CFAP54: variants seen among roughly 807,000 people sequenced by gnomAD.
CFAP54 encodes the protein cilia and flagella associated protein 54, also known as cilia- and flagella-associated protein 54.
A neutral mutation model predicts 370.4 loss-of-function variants in CFAP54; 290 were observed. The ratio of observed to expected loss-of-function variants is 0.78; its 90% confidence interval spans 0.71 to 0.86. The LOEUF (loss-of-function observed/expected upper bound fraction) is 0.86. CFAP54 is among the 40% of genes least tolerant of loss of function. The pLI, the probability that CFAP54 is intolerant of heterozygous loss-of-function variation, is 0.00. For missense variants in CFAP54, 3,399 were observed against 3,528.7 expected (o/e 0.96, Z 0.93); for synonymous variants, 1,206 against 1,236.5 (o/e 0.98, Z 0.52).
chr12:96,529,035 G>T (rs996021002), intron 9 of CFAP54, among the ~76,000 whole-genome samples: 18 of 152,056 alleles, frequency 1.2e-4, no homozygotes, highest in African/African-American at 4.3e-4. Context: ...TGATATATGG[G>T]TTCTGAACCA....
At chr12:96,582,231 G>C (rs748909431) in intron 22 of CFAP54, among the ~76,000 whole-genome samples, 1 of 152,144 alleles carries the variant, frequency 6.6e-6, no homozygotes, top group African/African-American at 2.4e-5. Flanking sequence ...TTTTTAGTTA[G>C]GGATATACTC....
intron 33 of CFAP54, chr12:96,646,826 A>G (rs551256677): frequency 6.6e-5 from 10 of 152,344 alleles, no homozygotes; most frequent in Non-Finnish European, 1.2e-4. Flanking sequence ...GCTGGAAACT[A>G]TCATTCTCAG....
chr12:96,825,452 TATATA>T lies in CFAP54; in HGVS notation c.9097-3551_9097-3547del, dbSNP rs56842363. On this transcript the variant is annotated intron_variant, in intron 65 of 67. Transcript: ENST00000524981. The stretch of plus-strand genomic sequence containing the variant: ...ATTATATATAATATATGTTATATTA[TATATA>T]ATATAATATATTATATATATTATAT... Among the ~76,000 whole-genome samples the T allele has an allele frequency of 3.2e-3, 381 of 117,518 alleles. 5 individuals are homozygous for T. Among genetic ancestry groups the T allele is most frequent in the African/African-American group, 0.012 (345 of 28,088 alleles). The allele number at this position is 117,518 out of a possible 152,430, so 77.1% of individuals were successfully genotyped here.
At chr12:96,612,142 GGTAGGGTTAC>G (rs1381832405) in intron 26 of CFAP54, among the ~76,000 whole-genome samples, 1 of 152,140 alleles carries the variant, frequency 6.6e-6, no homozygotes, top group Non-Finnish European at 1.5e-5. Flanking sequence ...CAGAGAGAAA[GGTAGGGTTAC>G]CCACAAAGGG....
At chr12:96,517,543 C>A (rs1406890760) in intron 5 of CFAP54, among the ~76,000 whole-genome samples, 1 of 152,106 alleles carries the variant, frequency 6.6e-6, no homozygotes, top group Non-Finnish European at 1.5e-5. Context: ...ATGCAAAAAT[C>A]TGAAATAGAG....
chr12:96,536,612 G>T (rs1007196047), intron 12 of CFAP54, among the ~76,000 whole-genome samples: 42 of 138,984 alleles, frequency 3.0e-4, no homozygotes, highest in African/African-American at 7.6e-4. Context: ...GTTTTTCTTT[G>T]TCTTTTTCTT....
At chr12:96,651,944 A>T in intron 36 of CFAP54, 129 bp downstream of exon 36, 2 of 649,668 alleles carry the variant, frequency 3.1e-6, no homozygotes, top group East Asian at 2.8e-5. Flanking sequence ...TTTGCTTCTC[A>T]TTATAATTTT....
At chr12:96,772,143 A>G (rs932760710) in intron 60 of CFAP54, among the ~76,000 whole-genome samples, 5 of 152,170 alleles carry the variant, frequency 3.3e-5, no homozygotes, top group African/African-American at 9.7e-5. Context: ...AAAAGATACG[A>G]AAGGGTATCT....
At chr12:96,661,376 T>TCTAG (rs970025514) in intron 38 of CFAP54, among the ~76,000 whole-genome samples, 4 of 152,296 alleles carry the variant, frequency 2.6e-5, no homozygotes, top group African/African-American at 9.6e-5. Flanking sequence ...ATCACATCTG[T>TCTAG]CTAGCTAGCT....
At position 96,718,495 on chromosome 12, in the gene CFAP54, A is replaced by T. The variant is rs147115425; in HGVS notation, c.6777A>T (p.Lys2259Asn). The change falls in exon 49 of 68, where the codon AAA becomes AAT. Residue 2259 changes from lysine to asparagine, a missense_variant. Physicochemically the swap from Lys to Asn is moderately conservative, Grantham distance 94. This residue lies in a region of CFAP54 where 2,796 missense variants were observed against 2,869.7 expected (regional missense o/e 0.97). Coordinates refer to ENST00000524981, the MANE Select transcript of CFAP54 (RefSeq NM_001306084.2). ...GSSFYNLTKL[K>N]DEITLSMLKS... ...CATTTTATAATCTTACAAAACTTAA[A>T]GATGAGATCACTCTTAGCATGCTAA... 18 of 1,575,812 alleles carry T rather than the reference A, an allele frequency of 1.1e-5. No homozygotes were observed. Among genetic ancestry groups the T allele is most frequent in the Non-Finnish European group, 1.6e-5 (18 of 1,146,324 alleles).
At chr12:96,727,677 T>C (rs1592728694) in intron 50 of CFAP54, among the ~76,000 whole-genome samples, 1 of 152,228 alleles carries the variant, frequency 6.6e-6, no homozygotes, top group African/African-American at 2.4e-5. Flanking sequence ...TCCATTTACA[T>C]TTAAAGTTAA....
In CFAP54 at chr12:96,489,698, CGACTT is replaced by C; in HGVS notation, c.90_94del (p.Thr31GlufsTer44). 1 of 1,536,024 alleles carries C rather than the reference CGACTT, an allele frequency of 6.5e-7. No homozygotes were observed. The highest frequency in any genetic ancestry group is 8.7e-7 in the Non-Finnish European group (1 of 1,146,808). On this transcript the variant is annotated frameshift_variant, in exon 1 of 68. Transcript: ENST00000524981. LOFTEE classifies it high-confidence loss of function. ...CCAGAACTGCCGCCGACCTCCACCGCGACTTCGAGGTCGCCCCCAGAGTCGAAGGG... is the reference window on the plus strand; with the variant it reads ...CCAGAACTGCCGCCGACCTCCACCGCCGAGGTCGCCCCCAGAGTCGAAGGG...
chr12:96,684,585 C>G, intron 40 of CFAP54, 63 bp from the exon 41 acceptor site: 1 of 1,419,810 alleles, frequency 7.0e-7, no homozygotes, highest in Non-Finnish European at 9.8e-7. Flanking sequence ...AAAATTCTTG[C>G]AAATATAAAA....
intron 26 of CFAP54, among the ~76,000 whole-genome samples, chr12:96,615,489 A>G (rs934766279): frequency 1.8e-4 from 28 of 152,184 alleles, no homozygotes; most frequent in Admixed American, 3.3e-4. Context: ...TAGCAATGGC[A>G]ACAAAAGCCA....
At chr12:96,863,008 T>A (rs1427392932) in intron 67 of CFAP54, among the ~76,000 whole-genome samples, 1 of 152,212 alleles carries the variant, frequency 6.6e-6, no homozygotes, top group Non-Finnish European at 1.5e-5. Context: ...TTCCCATGAA[T>A]ATAAATGCCC....
intron 26 of CFAP54, among the ~76,000 whole-genome samples, chr12:96,620,883 A>G (rs1056409361): frequency 6.6e-6 from 1 of 152,256 alleles, no homozygotes; most frequent in East Asian, 1.9e-4. Context: ...CTGTAACACA[A>G]TGGTGACTGT....
intron 60 of CFAP54, among the ~76,000 whole-genome samples, chr12:96,769,369 T>G (rs943462620): frequency 2.0e-5 from 3 of 152,220 alleles, no homozygotes; most frequent in Non-Finnish European, 4.4e-5. Flanking sequence ...AAAAGTGATG[T>G]CAGTGAATGT....
chr12:96,561,562 C>G (rs1955816591), intron 17 of CFAP54, among the ~76,000 whole-genome samples: 1 of 151,948 alleles, frequency 6.6e-6, no homozygotes, highest in Non-Finnish European at 1.5e-5. Context: ...TCTCTACCCC[C>G]AGATCTGGAA....
intron 32 of CFAP54, 150 bp downstream of exon 32, chr12:96,630,801 A>T: frequency 2.3e-6 from 1 of 434,924 alleles, no homozygotes; most frequent in Non-Finnish European, 4.0e-6. Flanking sequence ...AAGCATAGTA[A>T]ACAAGTAAAC....
Sources: gnomAD v4.1 joint callset for allele counts (sites outside exome capture counted in the v4.1 genomes callset) on GRCh38, gnomAD v4.1.1 for gene constraint, gnomAD v4.1.1 regional missense constraint, MANE v1.5 for transcripts, NCBI Gene and HGNC (gene_info 2026-07-23, HGNC 2026-07-21) for gene names.